Variants in LMBR1 observed in about 807,000 individuals in gnomAD.
LMBR1 encodes limb region 1 protein homolog.
In LMBR1, 52 loss-of-function variants were observed where a neutral mutation model predicts 73.9. The ratio of observed to expected loss-of-function variants is 0.70; its 90% confidence interval spans 0.56 to 0.89. LMBR1 has a LOEUF of 0.89. LMBR1 is among the 40% of genes least tolerant of loss of function. LMBR1 has a pLI of 0.00. For synonymous variants in LMBR1, 215 were observed against 209.4 expected (o/e 1.03, Z -0.23); for missense variants, 539 against 579.8 (o/e 0.93, Z 0.72).
chr7:156,794,794 T>C (rs1406169028), intron 5 of LMBR1, among the ~76,000 whole-genome samples: 1 of 152,062 alleles, frequency 6.6e-6, no homozygotes, highest in Non-Finnish European at 1.5e-5. Context: ...TGTCACAGAG[T>C]CAGGTGCAGG....
intron 5 of LMBR1, among the ~76,000 whole-genome samples, chr7:156,768,977 GTC>G (rs1824664930): frequency 6.6e-6 from 1 of 152,120 alleles, no homozygotes; most frequent in Non-Finnish European, 1.5e-5. Flanking sequence ...GAGCTATTAA[GTC>G]TCTCACAAAA....
At chr7:156,786,056 C>A (rs532151614) in intron 5 of LMBR1, among the ~76,000 whole-genome samples, 1 of 150,936 alleles carries the variant, frequency 6.6e-6, no homozygotes, top group African/African-American at 2.4e-5. Context: ...TAAATGGGAT[C>A]AAATCTATGG....
chr7:156,733,981 T>C (rs1171798955), intron 10 of LMBR1, 196 bp downstream of exon 10: 4 of 422,088 alleles, frequency 9.5e-6, no homozygotes, highest in Admixed American at 4.0e-5. Flanking sequence ...TTTGTATATA[T>C]ATAAAACCAA....
At chr7:156,809,918 T>A (rs373512793) in intron 4 of LMBR1, among the ~76,000 whole-genome samples, 5 of 152,312 alleles carry the variant, frequency 3.3e-5, no homozygotes, top group East Asian at 1.9e-4. Context: ...GGGTTTATAG[T>A]TCTCATCAAT....
downstream of LMBR1, among the ~76,000 whole-genome samples, chr7:156,675,278 C>CCTGT (rs1447188260): frequency 6.6e-6 from 1 of 152,222 alleles, no homozygotes. Flanking sequence ...CACGGCAAGG[C>CCTGT]CTGTGTGCTG....
intron 16 of LMBR1, among the ~76,000 whole-genome samples, chr7:156,684,562 C>T (rs181605067): frequency 3.3e-5 from 5 of 152,336 alleles, no homozygotes; most frequent in Admixed American, 6.5e-5. Flanking sequence ...GTTGTCCCAA[C>T]CCGGCTAATA....
intron 15 of LMBR1, among the ~76,000 whole-genome samples, chr7:156,713,231 T>TGAGA (rs146382877): frequency 1.4e-5 from 2 of 147,240 alleles, no homozygotes; most frequent in Non-Finnish European, 3.0e-5. Context: ...CTGCCGGGGG[T>TGAGA]GAGAGAGAGA....
downstream of LMBR1, among the ~76,000 whole-genome samples, chr7:156,674,276 C>T (rs985308513): frequency 1.3e-5 from 2 of 152,208 alleles, no homozygotes; most frequent in African/African-American, 4.8e-5. Context: ...GCCTGGAGAA[C>T]ACCCAGAAGA....
rs1179555167 is a variant in LMBR1, at chr7:156,782,984, A to G, written c.423+13405T>C. ...TTCTTTGCCTATCTTGTAATATTTG[A>G]TAGAGGAAGTTCCATCACCTAGTTC... On this transcript the variant is annotated intron_variant, in intron 5 of 16. Transcript: ENST00000353442. Among the ~76,000 whole-genome samples the G allele has an allele frequency of 2.6e-4, 39 of 152,068 alleles. 1 individual carries two copies. Among genetic ancestry groups the G allele is most frequent in the Non-Finnish European group, 1.5e-5 (1 of 68,010 alleles).
At chr7:156,823,564 A>G (rs934696574) in intron 4 of LMBR1, 7 of 152,214 alleles carry the variant, frequency 4.6e-5, no homozygotes, top group African/African-American at 1.7e-4. Flanking sequence ...GGAACAACTC[A>G]GCTGTTTTCT....
intron 8 of LMBR1, among the ~76,000 whole-genome samples, chr7:156,757,332 A>G (rs2132821712): frequency 6.6e-6 from 1 of 152,360 alleles, no homozygotes; most frequent in South Asian, 2.1e-4. Context: ...ATCTTTATGT[A>G]CTAAAAACAC....
chr7:156,779,865 A>G (rs1389238551), intron 5 of LMBR1: 10 of 310,388 alleles, frequency 3.2e-5, no homozygotes, highest in Non-Finnish European at 4.7e-5. Flanking sequence ...AGGGTCTCTC[A>G]GTAACATTAA....
chr7:156,675,926 G>C (rs1803846959), downstream of LMBR1: 1 of 1,534,560 alleles, frequency 6.5e-7, no homozygotes, highest in Non-Finnish European at 8.9e-7. Context: ...GCTGTGGGGA[G>C]TGGCATGTGG....
chr7:156,724,358 T>G (rs1050659247), intron 14 of LMBR1, among the ~76,000 whole-genome samples, 180 bp from the exon 15 acceptor site: 1 of 152,186 alleles, frequency 6.6e-6, no homozygotes, highest in Non-Finnish European at 1.5e-5. Context: ...TAAATAAAGT[T>G]ATATCTGTAA....
chr7:156,794,992 T>A (rs1308615856), intron 5 of LMBR1, among the ~76,000 whole-genome samples: 1 of 152,196 alleles, frequency 6.6e-6, no homozygotes, highest in Non-Finnish European at 1.5e-5. Context: ...GCCTACAACA[T>A]AAAACTCAAA....
rs1823582350 is a variant in LMBR1, at chr7:156,763,809, T to A, written c.424-14A>T. On this transcript the variant is annotated splice_polypyrimidine_tract_variant and intron_variant, in intron 5 of 16. Coordinates refer to ENST00000353442, the MANE Select transcript of LMBR1 (RefSeq NM_022458.4). ...GGCTCGGATTCCCTGAAAAATAGAG[T>A]AGAAATATAATTTTAGTATTTTACT... is the stretch of plus-strand genomic sequence containing the variant. The A allele has an allele frequency of 6.4e-7, 1 of 1,574,748 alleles. No individual in the cohort carries two copies. Among genetic ancestry groups the A allele is most frequent in the East Asian group, 2.3e-5 (1 of 43,386 alleles).
chr7:156,758,746 G>A (rs1008406557), intron 8 of LMBR1, among the ~76,000 whole-genome samples: 2 of 152,182 alleles, frequency 1.3e-5, no homozygotes, highest in African/African-American at 4.8e-5. Flanking sequence ...ACAGCCTGCA[G>A]AACCATAAGC....
At chr7:156,771,639 C>T (rs959982489) in intron 5 of LMBR1, among the ~76,000 whole-genome samples, 6 of 152,016 alleles carry the variant, frequency 3.9e-5, no homozygotes, top group East Asian at 1.9e-4. Context: ...AATTCATGAC[C>T]GAATCCTATC....
intron 5 of LMBR1, among the ~76,000 whole-genome samples, chr7:156,786,219 G>A (rs1341934461): frequency 4.8e-5 from 7 of 144,772 alleles, no homozygotes; most frequent in African/African-American, 1.0e-4. Context: ...GAAGGAAGGA[G>A]GAAGGGAAGA....
Sources: gnomAD v4.1 joint callset for allele counts (sites outside exome capture counted in the v4.1 genomes callset) on GRCh38, gnomAD v4.1.1 for gene constraint, MANE v1.5 for transcripts, NCBI Gene and HGNC (gene_info 2026-07-23, HGNC 2026-07-21) for gene names.